RUVBL1: variants seen among roughly 807,000 people sequenced by gnomAD.
RUVBL1 encodes RuvB like AAA ATPase 1.
Under a neutral mutation model 52.4 loss-of-function variants are expected in RUVBL1, and 4 were observed. The ratio of observed to expected loss-of-function variants is 0.08; its 90% confidence interval spans 0.04 to 0.17. The LOEUF (loss-of-function observed/expected upper bound fraction) is 0.17. RUVBL1 is among the 10% of genes least tolerant of loss of function. The pLI is 1.00. For missense variants in RUVBL1, 298 were observed against 572.8 expected, an observed-to-expected ratio of 0.52 and a Z score of 4.90; for synonymous variants, 217 against 214.4, an observed-to-expected ratio of 1.01 and a Z score of -0.10.
At chr3:128,075,829 GA>G, downstream of RUVBL1, 1 of 152,576 alleles carries the variant, frequency 6.6e-6, no homozygotes, top group Non-Finnish European at 1.5e-5. Context: ...TTTTCGAGGG[GA>G]AAAGTGAGAG....
intron 4 of RUVBL1, among the ~76,000 whole-genome samples, chr3:128,104,283 G>A (rs1049473816): frequency 2.0e-5 from 3 of 152,174 alleles, no homozygotes; most frequent in Admixed American, 6.5e-5. Context: ...CCACTGAAGC[G>A]ACCACAGGTT....
intron 3 of RUVBL1, among the ~76,000 whole-genome samples, chr3:128,109,139 T>G (rs955305665): frequency 6.6e-6 from 1 of 152,164 alleles, no homozygotes; most frequent in Non-Finnish European, 1.5e-5. Flanking sequence ...GAGGGACACA[T>G]GTCTGAGGTG....
At chr3:128,106,799 C>T (rs1254519505) in intron 3 of RUVBL1, among the ~76,000 whole-genome samples, 3 of 152,148 alleles carry the variant, frequency 2.0e-5, no homozygotes, top group Admixed American at 6.5e-5. Flanking sequence ...CCTGTATCAC[C>T]GAAACACCCT....
rs1376393917 is a variant in RUVBL1, at chr3:128,151,171, C to T, written c.-40+2032G>A. Among the ~76,000 whole-genome samples, 7 of 123,086 alleles carry T rather than the reference C, an allele frequency of 5.7e-5. No homozygotes were observed. The East Asian group carries it at 9.0e-4, about 16-fold the overall frequency. 80.7% of individuals were successfully genotyped at this position (123,086 alleles called of 152,430 possible). On this transcript the variant is annotated intron_variant, in intron 1 of 9. Transcript: ENST00000464873. ...ATATTCTATATATATTCTATATATA[C>T]TCTATATACATTCTATATATACTCT...
chr3:128,121,705 C>T (rs1366846883), intron 1 of RUVBL1, among the ~76,000 whole-genome samples: 4 of 68,380 alleles, frequency 5.8e-5, no homozygotes, highest in African/African-American at 2.0e-4. Context: ...AGCAAAACTT[C>T]GTCTCAAAAA....
chr3:128,140,758 T>C (rs1340977437), intron 1 of RUVBL1, among the ~76,000 whole-genome samples: 1 of 152,150 alleles, frequency 6.6e-6, no homozygotes, highest in Admixed American at 6.5e-5. Flanking sequence ...AAACTTGACA[T>C]TGGCATTTCA....
intron 3 of RUVBL1, among the ~76,000 whole-genome samples, chr3:128,108,135 C>A (rs1179230943): frequency 1.3e-5 from 2 of 152,200 alleles, no homozygotes; most frequent in East Asian, 3.8e-4. Flanking sequence ...TGACAGGGAC[C>A]TTCATCACAT....
intron 9 of RUVBL1, chr3:128,066,861 T>A: frequency 8.2e-7 from 1 of 1,213,508 alleles, no homozygotes; most frequent in Non-Finnish European, 1.2e-6. Flanking sequence ...TCCTCCCTTG[T>A]GGCCCACTGG....
chr3:128,085,594 G>A (rs895737646), intron 9 of RUVBL1, among the ~76,000 whole-genome samples: 2 of 152,212 alleles, frequency 1.3e-5, no homozygotes, highest in African/African-American at 2.4e-5. Context: ...ATATACAATT[G>A]CTACTATGAA....
chr3:128,139,887 G>T (rs1028063968), intron 1 of RUVBL1, among the ~76,000 whole-genome samples: 2 of 152,160 alleles, frequency 1.3e-5, no homozygotes, highest in Admixed American at 6.5e-5. Context: ...GGCTGGGAAG[G>T]GTAGTGGGGA....
At position 128,097,392 on chromosome 3, in the gene RUVBL1, G is replaced by A. The variant is rs1415593283; in HGVS notation, c.924C>T (p.Asp308=). The change falls in exon 8 of 11, where the codon GAC becomes GAT. Residue 308 remains aspartate, a synonymous_variant. Coordinates refer to ENST00000322623, the MANE Select transcript of RUVBL1 (RefSeq NM_003707.3). ...GGTGCAGGTAGGTGAAGCACTCAAT[G>A]TCCAGCATGTGGACCTCATCAACAA... ...VLFVDEVHML[D]IECFTYLHRA... 17 of 1,614,046 alleles carry A rather than the reference G, an allele frequency of 1.1e-5. No homozygotes were observed. In the African/African-American group the frequency reaches 1.1e-4, roughly 10 times the overall value.
intron 8 of RUVBL1, among the ~76,000 whole-genome samples, chr3:128,093,923 T>C (rs1432436140): frequency 6.6e-6 from 1 of 152,154 alleles, no homozygotes; most frequent in Non-Finnish European, 1.5e-5. Flanking sequence ...ACTTGGGGGC[T>C]GCTTGTCAAG....
intron 1 of RUVBL1, among the ~76,000 whole-genome samples, chr3:128,130,314 A>C (rs1486933900): frequency 2.0e-5 from 3 of 152,096 alleles, no homozygotes; most frequent in African/African-American, 4.8e-5. Flanking sequence ...TGTGGAAAAA[A>C]ACTGTGAACA....
chr3:128,125,851 G>A (rs1943781572), upstream of RUVBL1, among the ~76,000 whole-genome samples: 1 of 152,214 alleles, frequency 6.6e-6, no homozygotes, highest in African/African-American at 2.4e-5. Context: ...TCTATATGGA[G>A]AAGGAAACTT....
intron 1 of RUVBL1, among the ~76,000 whole-genome samples, chr3:128,150,928 A>ATTCTATATATT (rs1559841690): frequency 7.5e-4 from 50 of 67,036 alleles, no homozygotes; most frequent in African/African-American, 3.5e-3. Flanking sequence ...TTATATATAT[A>ATTCTATATATT]ATATATTCTA....
At chr3:128,091,700 G>T (rs868484071) in intron 8 of RUVBL1, among the ~76,000 whole-genome samples, 2 of 152,170 alleles carry the variant, frequency 1.3e-5, no homozygotes, top group Non-Finnish European at 2.9e-5. Flanking sequence ...TGACACTGTG[G>T]ATGTTTTGGA....
At chr3:128,130,615 TTTTATTTA>T (rs1226390261) in intron 1 of RUVBL1, among the ~76,000 whole-genome samples, 1 of 91,286 alleles carries the variant, frequency 1.1e-5, no homozygotes, top group South Asian at 4.2e-4. Flanking sequence ...AAAAAAAAAA[TTTTATTTA>T]TTTATGTATT....
chr3:128,123,964 C>G (rs756288309), upstream of RUVBL1: 20 of 1,208,650 alleles, frequency 1.7e-5, no homozygotes, highest in Middle Eastern at 3.2e-4. Flanking sequence ...TGGCTTCCCC[C>G]GTAGCCGGCG....
intron 1 of RUVBL1, among the ~76,000 whole-genome samples, chr3:128,134,764 G>T (rs568041120): frequency 5.3e-5 from 8 of 151,752 alleles, no homozygotes; most frequent in African/African-American, 1.9e-4. Context: ...TTGCACCACC[G>T]CACTCCAGCC....
Sources: allele counts gnomAD v4.1 joint callset (sites outside exome capture counted in the v4.1 genomes callset), GRCh38; gene constraint gnomAD v4.1.1; transcripts MANE v1.5; gene names NCBI Gene and HGNC (gene_info 2026-07-23, HGNC 2026-07-21).